SPG7: variants seen among roughly 807,000 people sequenced by gnomAD.
The protein encoded by SPG7 is mitochondrial inner membrane m-AAA protease component paraplegin.
Under a neutral mutation model 81.9 loss-of-function variants are expected in SPG7, and 103 were observed. The ratio of observed to expected loss-of-function variants is 1.26; its 90% CI spans 1.07 to 1.48. The LOEUF (loss-of-function observed/expected upper bound fraction) is 1.48. Among genes scored for constraint, SPG7 ranks in the 40% most tolerant of loss-of-function variants. The pLI is 0.00. For synonymous variants in SPG7, 534 were observed against 444.2 expected (o/e 1.20, Z -2.54); for missense variants, 1,241 against 1,087.3 (o/e 1.14, Z -1.99).
intron 3 of SPG7, chr16:89,517,937 T>C (rs554716108): frequency 6.6e-6 from 1 of 152,352 alleles, no homozygotes; most frequent in Admixed American, 6.5e-5. Flanking sequence ...GTTTTATGTT[T>C]ATTCTGTTTT....
Position 89,524,011 on chromosome 16 carries a change from A to G in SPG7, c.382A>G (p.Arg128Gly). 6 of 1,612,122 alleles carry G rather than the reference A, an allele frequency of 3.7e-6. No individual in the cohort carries two copies. The highest frequency in any genetic ancestry group is 5.1e-6 in the Non-Finnish European group (6 of 1,179,918). Residue 128 changes from arginine (R) to glycine (G), a missense_variant, in exon 4 of 17, where the codon AGG (arginine) becomes GGG (glycine). Arg to Gly is a moderately radical substitution (Grantham distance 125, BLOSUM62 -2). Transcript: ENST00000645818. ...TTGCTTCTCTGCCGGCTCAGAGGAG[A>G]GGAGACGCCGTGAGCGGGACGACCA... The part of the protein sequence containing the change: ...GKAPEEDEEE[R>G]RRRERDDQMY...
At chr16:89,546,101 T>TG (rs1254031404) in intron 10 of SPG7, 2 of 298,928 alleles carry the variant, frequency 6.7e-6, no homozygotes, top group African/African-American at 4.5e-5. Context: ...TCTTTTTTTT[T>TG]TTTTTGAGAC....
At chr16:89,536,638 GGGCGA>G in intron 9 of SPG7, 1 of 1,117,990 alleles carries the variant, frequency 8.9e-7, no homozygotes, top group Admixed American at 1.8e-5. Flanking sequence ...CGGGTGAGGC[GGGCGA>G]GGTGGGCGAG....
Position 89,557,459 on chromosome 16 carries a change from T to C in SPG7, c.*366T>C. On this transcript the variant is annotated 3_prime_UTR_variant, in exon 17 of 17. Coordinates refer to ENST00000645818, the MANE Select transcript of SPG7 (RefSeq NM_003119.4). Reference sequence around the variant, plus strand: ...ACAGACCCCTGTTCATGCCGACGCTTGCACGACCGCCCCAGTTCCTGTGGC... The same window carrying C: ...ACAGACCCCTGTTCATGCCGACGCTCGCACGACCGCCCCAGTTCCTGTGGC... The C allele has an allele frequency of 3.3e-6, 1 of 304,844 alleles. No homozygotes were observed. The highest frequency in any genetic ancestry group is 8.4e-5 in the East Asian group (1 of 11,894). The allele number at this position is 304,844 out of a possible 1,614,324, so 18.9% of individuals were successfully genotyped here. A position where few individuals can be genotyped will look rare whatever the true frequency, so the allele number is the denominator to read the frequency against.
Position 89,508,591 on chromosome 16 carries a change from A to C in SPG7, c.174A>C (p.Arg58=). ...GGGACCTCGCCGAGGCTGGAGGCCG[A>C]GCTCTGCAGGTAAATCCCCGCGGAG... ...PPGDLAEAGG[R]ALQSLQLRLL... Residue 58 remains arginine, a synonymous_variant, in exon 1 of 17, where the codon CGA becomes CGC. Coordinates refer to ENST00000645818, the MANE Select transcript of SPG7 (RefSeq NM_003119.4). 2 of 1,478,950 alleles carry C rather than the reference A, an allele frequency of 1.4e-6. No homozygotes were observed. Among genetic ancestry groups the C allele is most frequent in the Non-Finnish European group, 1.8e-6 (2 of 1,120,112 alleles). The allele number at this position is 1,478,950 out of a possible 1,614,324, so 91.6% of individuals were successfully genotyped here.
intron 9 of SPG7, chr16:89,533,089 A>T (rs1354788426): frequency 5.6e-6 from 1 of 177,882 alleles, no homozygotes; most frequent in Non-Finnish European, 1.2e-5. Context: ...AAAAAAAAAA[A>T]AAAACACAGC....
intron 9 of SPG7, chr16:89,543,700 C>G (rs368223723): frequency 1.3e-4 from 18 of 143,270 alleles, no homozygotes; most frequent in African/African-American, 4.5e-4. Flanking sequence ...GTAGCCCAGG[C>G]TGGAGTGCAG....
rs775034894 is a variant in SPG7, at chr16:89,553,169, A to T, written c.1936+34A>T. On this transcript the variant is annotated intron_variant, in intron 14 of 16. Transcript: ENST00000645818. ...CAGCGGCGCGGGCCCTGGAGGTTTC[A>T]GAGCGCTTTTCCCTGCATGACTCCT... 3 of 1,567,156 alleles carry T rather than the reference A, an allele frequency of 1.9e-6. No individual in the cohort carries two copies. In the African/African-American group the frequency reaches 4.1e-5, roughly 21 times the overall value.
At chr16:89,550,331 C>T in intron 12 of SPG7, 163 bp from the exon 13 acceptor site, 2 of 635,666 alleles carry the variant, frequency 3.1e-6, no homozygotes, top group East Asian at 3.0e-5. Context: ...CGCCATCACA[C>T]CTAGCTAATT....
At chr16:89,549,679 A>C (rs920220408) in intron 12 of SPG7, 3 of 172,954 alleles carry the variant, frequency 1.7e-5, no homozygotes, top group African/African-American at 7.2e-5. Flanking sequence ...GACAGAAAAA[A>C]AGCCTTGTCC....
At chr16:89,530,501 CA>C in intron 6 of SPG7, 181 bp from the exon 7 acceptor site, 1 of 719,426 alleles carries the variant, frequency 1.4e-6, no homozygotes, top group Non-Finnish European at 2.5e-6. Context: ...AATGACGAAA[CA>C]TTTCCCTTCT....
intron 9 of SPG7, chr16:89,536,768 C>A (rs763569277): frequency 6.2e-7 from 1 of 1,613,866 alleles, no homozygotes; most frequent in Non-Finnish European, 8.5e-7. Flanking sequence ...CAACCAGGTG[C>A]CTCTCTTGAC....
At chr16:89,517,524 C>G (rs573065124) in intron 3 of SPG7, 1 of 152,208 alleles carries the variant, frequency 6.6e-6, no homozygotes, top group African/African-American at 2.4e-5. Flanking sequence ...GTCACCATGC[C>G]CTTTGCTCTC....
At chr16:89,551,938 GA>G (rs1293072067) in intron 13 of SPG7, 4 of 152,184 alleles carry the variant, frequency 2.6e-5, no homozygotes, top group African/African-American at 9.7e-5. Context: ...GCAAAAGTCA[GA>G]TAGTCACAAT....
chr16:89,536,889 C>T (rs771536312), intron 9 of SPG7: 1 of 1,614,192 alleles, frequency 6.2e-7, no homozygotes, highest in Non-Finnish European at 8.5e-7. Context: ...ATTCGCTCTG[C>T]TGGGGTTGCC....
chr16:89,546,837 G>T (rs1341628506), intron 11 of SPG7, 77 bp downstream of exon 11: 5 of 954,344 alleles, frequency 5.2e-6, no homozygotes, highest in Non-Finnish European at 8.6e-6. Flanking sequence ...CAGCATCGAG[G>T]CCTCCTCTGT....
chr16:89,513,369 A>G (rs1047149811), intron 3 of SPG7, among the ~76,000 whole-genome samples: 1 of 151,972 alleles, frequency 6.6e-6, no homozygotes, highest in African/African-American at 2.4e-5. Flanking sequence ...ATAGAAAATT[A>G]GCCGGGCGTG....
chr16:89,557,327 C>A lies in SPG7; in HGVS notation c.*234C>A. 1 of 560,446 alleles carries A rather than the reference C, an allele frequency of 1.8e-6. No homozygotes were observed. The highest frequency in any genetic ancestry group is 3.2e-6 in the Non-Finnish European group (1 of 312,102). The allele number at this position is 560,446 out of a possible 1,614,324, so 34.7% of individuals were successfully genotyped here. A position where few individuals can be genotyped will look rare whatever the true frequency, so the allele number is the denominator to read the frequency against. ...TCGTTTCCCCTATGGGGAAGGTTAT[C>A]AGTGCTTCCCGAGTGAGCATGGAAC... On this transcript the variant is annotated 3_prime_UTR_variant, in exon 17 of 17. Coordinates refer to ENST00000645818, the MANE Select transcript of SPG7 (RefSeq NM_003119.4).
intron 3 of SPG7, among the ~76,000 whole-genome samples, chr16:89,516,404 T>C (rs1356347099): frequency 1.3e-5 from 2 of 151,560 alleles, no homozygotes; most frequent in East Asian, 3.9e-4. Context: ...AAAAAAAAAT[T>C]AGCCAGGTGT....
Sources: gnomAD v4.1 joint callset for allele counts (sites outside exome capture counted in the v4.1 genomes callset) on GRCh38, gnomAD v4.1.1 for gene constraint, MANE v1.5 for transcripts, NCBI Gene and HGNC (gene_info 2026-07-23, HGNC 2026-07-21) for gene names.